PTPRU: variants seen among roughly 807,000 people sequenced by gnomAD.
PTPRU encodes the protein receptor-type tyrosine-protein phosphatase U.
In PTPRU, 69 loss-of-function variants were observed where a neutral mutation model predicts 166.3. The observed-to-expected ratio is 0.41, with a 90% CI of 0.34 to 0.51. PTPRU has a LOEUF of 0.51. Among genes scored for constraint, PTPRU ranks in the 20% least tolerant of loss-of-function variants. PTPRU has a pLI of 0.09. For missense variants in PTPRU, 1,657 were observed against 2,013.7 expected, an observed-to-expected ratio of 0.82 and a Z score of 3.39; for synonymous variants, 793 against 814.0, an observed-to-expected ratio of 0.97 and a Z score of 0.44.
chr1:29,284,656 G>C, intron 13 of PTPRU, 75 bp from the exon 14 acceptor site: 3 of 1,606,208 alleles, frequency 1.9e-6, no homozygotes, highest in Non-Finnish European at 8.5e-7. Flanking sequence ...TGTTCCTTGG[G>C]CACAGCCACC....
At chr1:29,294,364 T>C (rs1686787559) in intron 15 of PTPRU, among the ~76,000 whole-genome samples, 1 of 152,226 alleles carries the variant, frequency 6.6e-6, no homozygotes, top group African/African-American at 2.4e-5. Flanking sequence ...GCCATTCAGG[T>C]CTCTTTTTCC....
Position 29,236,533 on chromosome 1 carries a change from GC to G in PTPRU, c.-111del. ...CTGGACTCGGCGCCAGTCCCGCTCCGCGCCGCGCCGCTCCGCTCCGGCTCGG... is the reference window on the plus strand; with the variant it reads ...CTGGACTCGGCGCCAGTCCCGCTCCGGCCGCGCCGCTCCGCTCCGGCTCGG... On this transcript the variant is annotated 5_prime_UTR_variant, in exon 1 of 30. Coordinates refer to ENST00000373779, the MANE Select transcript of PTPRU (RefSeq NM_133178.4). This position sits in a 1 kb window ranked among gnomAD's most constrained non-coding sequence, Gnocchi z 4.6. The G allele has an allele frequency of 1.2e-6, 1 of 836,558 alleles. No individual in the cohort carries two copies. Among genetic ancestry groups the G allele is most frequent in the African/African-American group, 1.8e-5 (1 of 54,528 alleles). 51.8% of individuals were successfully genotyped at this position (836,558 alleles called of 1,614,324 possible).
At chr1:29,302,048 G>A (rs765887560) in intron 15 of PTPRU, among the ~76,000 whole-genome samples, 2 of 151,674 alleles carry the variant, frequency 1.3e-5, no homozygotes, top group Admixed American at 6.6e-5. Context: ...TGACGGCTAC[G>A]TGTGTGTTAT....
chr1:29,239,961 T>G (rs924434015), intron 1 of PTPRU, among the ~76,000 whole-genome samples: 3 of 152,180 alleles, frequency 2.0e-5, no homozygotes, highest in South Asian at 2.1e-4. Flanking sequence ...TGGCTCTAGC[T>G]CCTGCCTGCC....
In PTPRU at chr1:29,323,402, G is replaced by A. The variant is rs373365649; in HGVS notation, c.3860G>A (p.Arg1287Gln). Reference protein sequence around the residue: ...PCLQYWPEPGRQQYGLMEVEF... With the variant: ...PCLQYWPEPGQQQYGLMEVEF... ...CTGCAGTACTGGCCAGAGCCAGGCC[G>A]GCAGCAATATGGCCTCATGGAGGTG... Residue 1287 changes from arginine to glutamine, a missense_variant, in exon 27 of 30, where the codon CGG becomes CAG. Transcript: ENST00000373779. 22 of 1,609,226 alleles carry A rather than the reference G, an allele frequency of 1.4e-5. No homozygotes were observed. Among genetic ancestry groups the A allele is most frequent in the Non-Finnish European group, 1.7e-5 (20 of 1,177,892 alleles).
intron 7 of PTPRU, among the ~76,000 whole-genome samples, chr1:29,266,248 T>C (rs1365701505): frequency 6.6e-6 from 1 of 151,914 alleles, no homozygotes; most frequent in African/African-American, 2.4e-5. Context: ...CCTTAGGTGA[T>C]CCGGCCTCCC....
In PTPRU at chr1:29,275,511, A is replaced by G. The variant is rs1410433594; in HGVS notation, c.1208A>G (p.Gln403Arg). 2 of 1,614,102 alleles carry G rather than the reference A, an allele frequency of 1.2e-6. No individual in the cohort carries two copies. The highest frequency in any genetic ancestry group is 1.7e-5 in the Admixed American group (1 of 60,008). Residue 403 changes from glutamine to arginine, a missense_variant, in exon 8 of 30, where the codon CAG becomes CGG. Around this residue, in one of 3 missense-constraint regions of PTPRU, gnomAD observed 1,190 missense variants for 1,477.4 expected, o/e 0.81. Transcript: ENST00000373779. ...AEIQARQLTL[Q>R]WEPLGYNVTR... is the part of the protein sequence containing the mutation. ...ATCCAGGCCCGTCAGCTGACCCTGC[A>G]GTGGGAACCACTGGGCTACAACGTG...
intron 18 of PTPRU, among the ~76,000 whole-genome samples, chr1:29,308,106 A>G (rs995624980): frequency 1.3e-5 from 2 of 151,646 alleles, no homozygotes; most frequent in African/African-American, 4.8e-5. Flanking sequence ...TCATCTAGCT[A>G]TTCTCTAATT....
chr1:29,283,984 C>A lies in PTPRU; in HGVS notation c.2179+8C>A. The A allele has an allele frequency of 6.2e-7, 1 of 1,613,482 alleles. No homozygotes were observed. Among genetic ancestry groups the A allele is most frequent in the South Asian group, 1.1e-5 (1 of 91,046 alleles). On this transcript the variant is annotated splice_region_variant and intron_variant, in intron 13 of 29. Coordinates refer to ENST00000373779, the MANE Select transcript of PTPRU (RefSeq NM_133178.4). Reference sequence around the variant, plus strand: ...TCCGCATTGCCAGGAAAGGTAAGTCCGCTGAGTTCCTGCAGCCTTTCAGCG... The same window carrying A: ...TCCGCATTGCCAGGAAAGGTAAGTCAGCTGAGTTCCTGCAGCCTTTCAGCG...
intron 1 of PTPRU, among the ~76,000 whole-genome samples, chr1:29,242,640 A>C (rs1684108351): frequency 6.6e-6 from 1 of 152,252 alleles, no homozygotes; most frequent in Non-Finnish European, 1.5e-5. Flanking sequence ...TAATGCAGGC[A>C]GAGAACATTT....
At chr1:29,316,788 G>T (rs1040289507) in intron 24 of PTPRU, among the ~76,000 whole-genome samples, 3 of 152,162 alleles carry the variant, frequency 2.0e-5, no homozygotes, top group Non-Finnish European at 4.4e-5. Context: ...AGACTTTCAT[G>T]TTCCCATCCC....
At position 29,275,452 on chromosome 1, in the gene PTPRU, C is replaced by T; in HGVS notation, c.1149C>T (p.Pro383=). The change falls in exon 8 of 30, where the codon CCC becomes CCT. Residue 383 remains proline (P), a synonymous_variant. Coordinates refer to ENST00000373779, the MANE Select transcript of PTPRU (RefSeq NM_133178.4). ...TCTGCTTCCTGCATTCTCCAGAGCCCATGAGGGCCCCCAAAGGCCTGGCTT... is the reference window on the plus strand; with the variant it reads ...TCTGCTTCCTGCATTCTCCAGAGCCTATGAGGGCCCCCAAAGGCCTGGCTT... ...PLISRTKCAE[P]MRAPKGLAFA... is the part of the protein sequence containing the mutation. The T allele has an allele frequency of 6.2e-7, 1 of 1,612,282 alleles. No individual in the cohort carries two copies. Among genetic ancestry groups the T allele is most frequent in the Non-Finnish European group, 8.5e-7 (1 of 1,178,384 alleles).
At position 29,271,940 on chromosome 1, in the gene PTPRU, T is replaced by C. The variant is rs370810257; in HGVS notation, c.1145-3508T>C. The stretch of plus-strand genomic sequence containing the variant: ...GCAGGGAACAGAGAGCCACTCCCAG[T>C]AGTGCAAATAAAGCAGTGGTACCTC... On this transcript the variant is annotated intron_variant, in intron 7 of 29. Transcript: ENST00000373779. The surrounding 1 kb of genome is among the most constrained non-coding windows in gnomAD (Gnocchi z 4.4). 6.6e-6 allele frequency among the ~76,000 whole-genome samples: 1 copy of C among 151,926 alleles called. No homozygotes were observed. Among genetic ancestry groups the C allele is most frequent in the Non-Finnish European group, 1.5e-5 (1 of 67,984 alleles).
intron 25 of PTPRU, among the ~76,000 whole-genome samples, chr1:29,318,359 GCATGGGCC>G (rs1687996004): frequency 6.6e-6 from 1 of 152,204 alleles, no homozygotes; most frequent in Admixed American, 6.5e-5. Flanking sequence ...CCCTGGGTGG[GCATGGGCC>G]CTCTGAGGGC....
chr1:29,323,707 A>G lies in PTPRU; in HGVS notation c.4031A>G (p.Lys1344Arg), dbSNP rs769525596. Reference sequence around the variant, plus strand: ...GCATACCGGGACACACCTGACTCCAAGAAGGCCTTCTTGCACCTGCTGGCT... The same window carrying G: ...GCATACCGGGACACACCTGACTCCAGGAAGGCCTTCTTGCACCTGCTGGCT... ...WSAYRDTPDS[K>R]KAFLHLLAEV... Residue 1344 changes from lysine to arginine, a missense_variant, in exon 28 of 30, where the codon AAG (lysine) becomes AGG (arginine). Lys to Arg is a conservative substitution (Grantham distance 26). This residue lies in a region of PTPRU where 1,190 missense variants were observed against 1,477.4 expected (regional missense o/e 0.81). Transcript: ENST00000373779. 2.5e-6 allele frequency: 4 copies of G among 1,614,172 alleles called. No individual in the cohort carries two copies. The highest frequency in any genetic ancestry group is 1.1e-5 in the South Asian group (1 of 91,080).
chr1:29,302,151 ATGTG>A (rs138316498), intron 15 of PTPRU, among the ~76,000 whole-genome samples: 5,880 of 142,238 alleles, frequency 0.041, 132 homozygotes, highest in South Asian at 0.086. Context: ...GCTAATGTGT[ATGTG>A]TGTGTGTGTG....
intron 26 of PTPRU, among the ~76,000 whole-genome samples, chr1:29,322,167 AG>A (rs1405849414): frequency 6.6e-6 from 1 of 152,250 alleles, no homozygotes; most frequent in African/African-American, 2.4e-5. Context: ...CATCCTTGCT[AG>A]GGTAGAGGGG....
intron 7 of PTPRU, among the ~76,000 whole-genome samples, chr1:29,267,973 A>G (rs897006859): frequency 2.6e-5 from 4 of 152,158 alleles, no homozygotes; most frequent in Non-Finnish European, 5.9e-5. Flanking sequence ...GCATTTGCTG[A>G]TGGATTGAAT....
In PTPRU at chr1:29,279,578, C is replaced by T; in HGVS notation, c.1686C>T (p.Thr562=). ...HVFSNLHPGT[T]YLFSVRARTG... ...TCTCCAACCTGCACCCAGGCACCACCTACCTGTTCTCCGTGCGGGCCCGCA... is the reference window on the plus strand; with the variant it reads ...TCTCCAACCTGCACCCAGGCACCACTTACCTGTTCTCCGTGCGGGCCCGCA... The change falls in exon 10 of 30, where the codon ACC becomes ACT. Residue 562 remains threonine, a synonymous_variant. Coordinates refer to ENST00000373779, the MANE Select transcript of PTPRU (RefSeq NM_133178.4). This position sits in a 1 kb window ranked among gnomAD's most constrained non-coding sequence, Gnocchi z 5.2. 6.2e-7 allele frequency: 1 copy of T among 1,614,178 alleles called. No individual in the cohort carries two copies. The highest frequency in any genetic ancestry group is 8.5e-7 in the Non-Finnish European group (1 of 1,180,034).
Sources: gnomAD v4.1 joint callset for allele counts (sites outside exome capture counted in the v4.1 genomes callset) on GRCh38, gnomAD v4.1.1 for gene constraint, gnomAD v4.1.1 regional missense constraint, Gnocchi (gnomAD v3.1) non-coding constraint, MANE v1.5 for transcripts, NCBI Gene and HGNC (gene_info 2026-07-23, HGNC 2026-07-21) for gene names.